GABRB1: variants seen among roughly 807,000 people sequenced by gnomAD.
The protein encoded by GABRB1 is gamma-aminobutyric acid type A receptor subunit beta1, also known as gamma-aminobutyric acid receptor subunit beta-1.
A neutral mutation model predicts 51.6 loss-of-function variants in GABRB1; 17 were observed. The ratio of observed to expected loss-of-function variants is 0.33; its 90% CI spans 0.23 to 0.49. The LOEUF is 0.49. Ranked by LOEUF, GABRB1 falls within the 20% of genes least tolerant of loss-of-function variation. GABRB1 has a pLI of 0.99. For missense variants in GABRB1, 410 were observed against 600.6 expected (o/e 0.68, Z 3.32); for synonymous variants, 247 against 218.9 (o/e 1.13, Z -1.14).
intron 4 of GABRB1, among the ~76,000 whole-genome samples, chr4:47,259,585 T>C (rs992582101): frequency 1.4e-4 from 22 of 152,294 alleles, no homozygotes; most frequent in Non-Finnish European, 1.2e-4. Context: ...AAAATAGGCA[T>C]TATTAACAAC....
chr4:47,132,610 A>G (rs571423374), intron 3 of GABRB1, among the ~76,000 whole-genome samples: 1 of 152,326 alleles, frequency 6.6e-6, no homozygotes, highest in South Asian at 2.1e-4. Flanking sequence ...TTGTATTGCA[A>G]TGAAAAAAAG....
intron 4 of GABRB1, among the ~76,000 whole-genome samples, chr4:47,206,716 A>G (rs920861360): frequency 1.1e-4 from 17 of 152,052 alleles, no homozygotes; most frequent in African/African-American, 4.1e-4. Context: ...GATATGATCC[A>G]CACAGTCTAA....
At chr4:47,114,648 A>G (rs1299104119) in intron 3 of GABRB1, among the ~76,000 whole-genome samples, 3 of 152,116 alleles carry the variant, frequency 2.0e-5, no homozygotes, top group Non-Finnish European at 4.4e-5. Flanking sequence ...GTCTGTTTTC[A>G]TATAGTCACA....
chr4:47,336,620 C>T (rs567190943), intron 5 of GABRB1, among the ~76,000 whole-genome samples: 133 of 152,126 alleles, frequency 8.7e-4, no homozygotes, highest in African/African-American at 3.1e-3. Flanking sequence ...GAAGGGTATG[C>T]TTGAAATCAA....
At chr4:47,061,373 A>G (rs1037458573) in intron 3 of GABRB1, among the ~76,000 whole-genome samples, 2 of 152,196 alleles carry the variant, frequency 1.3e-5, no homozygotes, top group African/African-American at 2.4e-5. Flanking sequence ...ATTTGATTAA[A>G]TGGTTACTTT....
Position 47,020,430 on chromosome 4 carries a change from C to T in GABRB1, c.-19-11484C>T, listed in dbSNP as rs575695317. On this transcript the variant is annotated intron_variant, in intron 1 of 3. Transcript: ENST00000513567. ...CCTTGACATGGAGTTACCCTGCTGC[C>T]TACTCAGAATTCCCACTTGGATTTC... 3.3e-5 allele frequency among the ~76,000 whole-genome samples: 5 copies of T among 152,212 alleles called. No homozygotes were observed. In the East Asian group the frequency reaches 9.7e-4, roughly 29 times the overall value.
chr4:47,109,933 G>A (rs1715147515), intron 3 of GABRB1, among the ~76,000 whole-genome samples: 1 of 152,098 alleles, frequency 6.6e-6, no homozygotes, highest in African/African-American at 2.4e-5. Context: ...TCAGAAGCAA[G>A]ATCATGAAAA....
At chr4:47,235,018 A>G (rs1020319415) in intron 4 of GABRB1, among the ~76,000 whole-genome samples, 2 of 152,150 alleles carry the variant, frequency 1.3e-5, no homozygotes, top group Non-Finnish European at 2.9e-5. Flanking sequence ...TTTGTATTCA[A>G]TCAGTGGAAT....
intron 8 of GABRB1, among the ~76,000 whole-genome samples, chr4:47,407,564 G>A (rs974700444): frequency 6.6e-6 from 1 of 152,084 alleles, no homozygotes; most frequent in African/African-American, 2.4e-5. Context: ...CTCTACCTCT[G>A]AGCCATTTTT....
chr4:47,211,615 T>C (rs890379157), intron 4 of GABRB1, among the ~76,000 whole-genome samples: 1 of 152,208 alleles, frequency 6.6e-6, no homozygotes, highest in Non-Finnish European at 1.5e-5. Flanking sequence ...TAGTGTCCTA[T>C]TGCCTCTGTA....
At chr4:47,189,492 A>G (rs1431334843) in intron 4 of GABRB1, among the ~76,000 whole-genome samples, 1 of 151,948 alleles carries the variant, frequency 6.6e-6, no homozygotes. Context: ...AATAACCTCT[A>G]TAAATGAAGA....
chr4:47,421,870 A>G (rs1729100658), intron 8 of GABRB1, among the ~76,000 whole-genome samples: 1 of 152,110 alleles, frequency 6.6e-6, no homozygotes, highest in African/African-American at 2.4e-5. Context: ...GACAAAATTC[A>G]TATTTTGTGA....
intron 3 of GABRB1, among the ~76,000 whole-genome samples, chr4:47,089,441 T>C (rs1381750338): frequency 1.3e-5 from 2 of 152,186 alleles, no homozygotes; most frequent in African/African-American, 2.4e-5. Flanking sequence ...TATTTCCTCA[T>C]TTGGAAATTA....
chr4:47,028,357 A>C (rs1370413600), upstream of GABRB1, among the ~76,000 whole-genome samples: 1 of 151,788 alleles, frequency 6.6e-6, no homozygotes, highest in Non-Finnish European at 1.5e-5. Flanking sequence ...TTATTTTAAA[A>C]TGTACAATTA....
rs139039438 is a variant in GABRB1, at chr4:47,344,365, A to G, written c.544+24156A>G. Among the ~76,000 whole-genome samples, 550 of 152,296 alleles carry G rather than the reference A, an allele frequency of 3.6e-3. 9 individuals are homozygous for G. The highest frequency in any genetic ancestry group is 1.0e-3 in the Non-Finnish European group (70 of 68,024). On this transcript the variant is annotated intron_variant, in intron 5 of 8. Transcript: ENST00000295454. ...TATAAAAAGATTCCTAAACAGGTTT[A>G]CCATATATTGTCATGTGCCATCATG...
In GABRB1 at chr4:47,372,916, C is replaced by T. The variant is rs775205762; in HGVS notation, c.545-30402C>T. ...CTCTTCTCCCTCCTCACTCCCTCCCCATACTCACACACTACATGCCCTGAC... is the reference window on the plus strand; with the variant it reads ...CTCTTCTCCCTCCTCACTCCCTCCCTATACTCACACACTACATGCCCTGAC... On this transcript the variant is annotated intron_variant, in intron 5 of 8. Coordinates refer to ENST00000295454, the MANE Select transcript of GABRB1 (RefSeq NM_000812.4). Among the ~76,000 whole-genome samples, 145 of 152,194 alleles carry T rather than the reference C, an allele frequency of 9.5e-4. 1 individual carries two copies. The highest frequency in any genetic ancestry group is 1.3e-3 in the Non-Finnish European group (87 of 68,020).
chr4:47,328,636 A>T (rs1348328184), intron 5 of GABRB1, among the ~76,000 whole-genome samples: 2 of 152,306 alleles, frequency 1.3e-5, no homozygotes, highest in African/African-American at 4.8e-5. Context: ...ATGAAGCTGG[A>T]AACCATCATT....
At chr4:47,300,494 T>A (rs935945209) in intron 4 of GABRB1, among the ~76,000 whole-genome samples, 6 of 152,286 alleles carry the variant, frequency 3.9e-5, no homozygotes, top group Admixed American at 1.3e-4. Flanking sequence ...TTATGTAGTA[T>A]TAATGTTAGC....
At chr4:47,246,081 C>CA (rs1461051178) in intron 4 of GABRB1, among the ~76,000 whole-genome samples, 2 of 149,302 alleles carry the variant, frequency 1.3e-5, no homozygotes, top group East Asian at 3.9e-4. Flanking sequence ...TTCTCCCCCC[C>CA]CAAGTCCCCA....
Sources: gnomAD v4.1 joint callset for allele counts (sites outside exome capture counted in the v4.1 genomes callset) on GRCh38, gnomAD v4.1.1 for gene constraint, MANE v1.5 for transcripts, NCBI Gene and HGNC (gene_info 2026-07-23, HGNC 2026-07-21) for gene names.